Variants in HECTD4 observed in about 807,000 individuals in gnomAD.
The protein encoded by HECTD4 is probable E3 ubiquitin-protein ligase HECTD4.
Under a neutral mutation model 471.5 loss-of-function variants are expected in HECTD4, and 114 were observed. The ratio of observed to expected loss-of-function variants is 0.24; its 90% CI spans 0.21 to 0.28. HECTD4 has a LOEUF of 0.28. Ranked by LOEUF, HECTD4 falls within the 10% of genes least tolerant of loss-of-function variation. The probability of loss-of-function intolerance (pLI) is 1.00; values close to 1 mark genes in which losing one functional copy is unlikely to be tolerated. For missense variants in HECTD4, 3,866 were observed against 5,651.5 expected, an observed-to-expected ratio of 0.68 and a Z score of 10.13; for synonymous variants, 2,012 against 2,256.0, an observed-to-expected ratio of 0.89 and a Z score of 3.07.
intron 9 of HECTD4, among the ~76,000 whole-genome samples, chr12:112,275,602 T>C (rs1033413644): frequency 7.2e-5 from 11 of 151,750 alleles, no homozygotes; most frequent in African/African-American, 2.4e-4. Flanking sequence ...TTAAAATATG[T>C]CAAGGATCCA....
At chr12:112,310,248 G>T (rs888175446) in intron 4 of HECTD4, among the ~76,000 whole-genome samples, 3 of 152,162 alleles carry the variant, frequency 2.0e-5, no homozygotes, top group African/African-American at 7.2e-5. Context: ...AATGGCAAAT[G>T]AAATTGTGTT....
chr12:112,300,533 T>A lies in HECTD4; in HGVS notation c.1335+5531A>T, dbSNP rs191828758. On this transcript the variant is annotated intron_variant, in intron 7 of 75. Transcript: ENST00000682272. ...TTCATGATGGTGTGGGCATTTTGCA[T>A]TAACTATGTCAGACACCTTTTAATC... Among the ~76,000 whole-genome samples the A allele has an allele frequency of 2.8e-4, 42 of 152,324 alleles. 1 individual carries two copies. The highest frequency in any genetic ancestry group is 2.7e-3 in the Admixed American group (42 of 15,294).
At chr12:112,216,947 C>A (rs765076196) in intron 46 of HECTD4, 26 bp from the exon 47 acceptor site, 2 of 1,609,760 alleles carry the variant, frequency 1.2e-6, no homozygotes, top group South Asian at 1.1e-5. Flanking sequence ...AAGAGAGCAG[C>A]AATCAGAGGG....
Position 112,193,439 on chromosome 12 carries a change from A to G in HECTD4, c.8955+30T>C. Reference sequence around the variant, plus strand: ...ACTCCCAGTTAAAAATGGTAACCACACTGCAGGAACATGAGCTTTAGACTT... The same window carrying G: ...ACTCCCAGTTAAAAATGGTAACCACGCTGCAGGAACATGAGCTTTAGACTT... On this transcript the variant is annotated intron_variant, in intron 57 of 75. Transcript: ENST00000682272. The surrounding 1 kb of genome is among the most constrained non-coding windows in gnomAD (Gnocchi z 5.2). 1 of 1,577,044 alleles carries G rather than the reference A, an allele frequency of 6.3e-7. No individual in the cohort carries two copies. Among genetic ancestry groups the G allele is most frequent in the African/African-American group, 1.3e-5 (1 of 74,412 alleles).
rs2032813164 is a variant in HECTD4, at chr12:112,213,117, A to G, written c.7466-467T>C. The stretch of plus-strand genomic sequence containing the variant: ...AGCCTAAGTTTTTGTATTTAGATAT[A>G]AAGTAACATAACAGAAACAACCCAT... On this transcript the variant is annotated intron_variant, in intron 48 of 75. Coordinates refer to ENST00000682272, the MANE Select transcript of HECTD4 (RefSeq NM_001388303.1). This position sits in a 1 kb window ranked among gnomAD's most constrained non-coding sequence, Gnocchi z 4.0. Among the ~76,000 whole-genome samples, 1 of 152,162 alleles carries G rather than the reference A, an allele frequency of 6.6e-6. No homozygotes were observed. Among genetic ancestry groups the G allele is most frequent in the Non-Finnish European group, 1.5e-5 (1 of 68,042 alleles).
At position 112,246,937 on chromosome 12, in the gene HECTD4, T is replaced by C; in HGVS notation, c.4477A>G (p.Thr1493Ala). Residue 1493 changes from threonine to alanine, a missense_variant, in exon 29 of 76, where the codon ACG becomes GCG. Around this residue, in one of 16 missense-constraint regions of HECTD4, gnomAD observed 49 missense variants for 43.6 expected, o/e 1.12. Transcript: ENST00000682272. Reference sequence around the variant, plus strand: ...GCAGGGGTCCCAGAGATGCTTCTCGTGAGGCCCGACTGGGCTGCGATGGTG... The same window carrying C: ...GCAGGGGTCCCAGAGATGCTTCTCGCGAGGCCCGACTGGGCTGCGATGGTG... ...HVTIAAQSGLTRSISGTPAET... is the reference protein window; with the variant it reads ...HVTIAAQSGLARSISGTPAET... 6.2e-7 allele frequency: 1 copy of C among 1,612,282 alleles called. No homozygotes were observed. Among genetic ancestry groups the C allele is most frequent in the South Asian group, 1.1e-5 (1 of 90,964 alleles).
Position 112,381,977 on chromosome 12 carries a change from G to A in HECTD4, c.152C>T (p.Pro51Leu). The part of the protein sequence containing the change: ...AELPSEILGA[P>L]EAADTDLEIL... ...CTCCAGGTCGGTGTCCGCGGCCTCT[G>A]GGGCCCCGAGGATCTCGCTGGGCAG... The change falls in exon 1 of 76, where the codon CCA (proline) becomes CTA (leucine). Residue 51 changes from proline (P) to leucine (L), a missense_variant. Pro to Leu is a moderately conservative substitution (Grantham distance 98). Transcript: ENST00000682272. This position sits in a 1 kb window ranked among gnomAD's most constrained non-coding sequence, Gnocchi z 4.1. 1 of 1,224,532 alleles carries A rather than the reference G, an allele frequency of 8.2e-7. No homozygotes were observed. Among genetic ancestry groups the A allele is most frequent in the Non-Finnish European group, 1.0e-6 (1 of 983,248 alleles). The allele number at this position is 1,224,532 out of a possible 1,614,324, so 75.9% of individuals were successfully genotyped here.
Position 112,330,134 on chromosome 12 carries a change from G to A in HECTD4, c.178-10392C>T, listed in dbSNP as rs991684254. ...TCTATTAAAAATACAAAAATTAGCC[G>A]GGCGTGGTGATGGGCGCCTGTAATC... On this transcript the variant is annotated intron_variant, in intron 1 of 75. Coordinates refer to ENST00000682272, the MANE Select transcript of HECTD4 (RefSeq NM_001388303.1). Among the ~76,000 whole-genome samples the A allele has an allele frequency of 6.6e-5, 10 of 151,982 alleles. No individual in the cohort carries two copies. The South Asian group carries it at 1.0e-3, about 16-fold the overall frequency.
At chr12:112,178,777 G>C (rs561335091) in intron 64 of HECTD4, among the ~76,000 whole-genome samples, 154 bp downstream of exon 64, 2 of 152,208 alleles carry the variant, frequency 1.3e-5, no homozygotes, top group Non-Finnish European at 2.9e-5. Flanking sequence ...AGCTGTGATC[G>C]GGCCGCTGCA....
intron 59 of HECTD4, 147 bp downstream of exon 59, chr12:112,192,413 A>G: frequency 1.8e-6 from 1 of 563,600 alleles, no homozygotes; most frequent in South Asian, 3.6e-5. Context: ...AAGAAGCAGC[A>G]GTTTCTTCCA....
At chr12:112,199,677 TTCA>T (rs1369578709) in intron 55 of HECTD4, among the ~76,000 whole-genome samples, 3 of 152,224 alleles carry the variant, frequency 2.0e-5, no homozygotes, top group Non-Finnish European at 4.4e-5. Flanking sequence ...ATCTTTAGGT[TTCA>T]GCCCACTGAG....
chr12:112,251,505 ATGT>A (rs1476598523), intron 23 of HECTD4, among the ~76,000 whole-genome samples: 4 of 152,176 alleles, frequency 2.6e-5, no homozygotes, highest in African/African-American at 9.7e-5. Context: ...TCAAACTGTG[ATGT>A]TGTCAATGAC....
Position 112,162,664 on chromosome 12 carries a change from G to C in HECTD4, c.13121-141C>G. 1.0e-6 allele frequency: 1 copy of C among 966,510 alleles called. No individual in the cohort carries two copies. Among genetic ancestry groups the C allele is most frequent in the Non-Finnish European group, 1.5e-6 (1 of 649,688 alleles). 59.9% of individuals were successfully genotyped at this position (966,510 alleles called of 1,614,324 possible). On this transcript the variant is annotated intron_variant, in intron 75 of 75. Coordinates refer to ENST00000682272, the MANE Select transcript of HECTD4 (RefSeq NM_001388303.1). The surrounding 1 kb of genome is among the most constrained non-coding windows in gnomAD (Gnocchi z 5.2). ...TGGGGCCCAGCAGGAGGGGGATGAG[G>C]GCCTGGGAACCTGCGAGATGTTCTT...
At chr12:112,365,835 G>A (rs1490754065) in intron 1 of HECTD4, among the ~76,000 whole-genome samples, 1 of 145,518 alleles carries the variant, frequency 6.9e-6, no homozygotes, top group East Asian at 2.0e-4. Context: ...GCAGTGGAGC[G>A]ATCTCGGCTG....
intron 34 of HECTD4, 37 bp from the exon 35 acceptor site, chr12:112,237,135 A>G (rs1173116975): frequency 6.6e-7 from 1 of 1,518,462 alleles, no homozygotes; most frequent in Non-Finnish European, 8.8e-7. Context: ...AGATTGGTGA[A>G]AACTTAAGGG....
Position 112,193,151 on chromosome 12 carries a change from G to A in HECTD4, c.8996C>T (p.Ser2999Phe), listed in dbSNP as rs2032138824. The change falls in exon 58 of 76, where the codon TCC (serine) becomes TTC (phenylalanine). Residue 2999 changes from serine to phenylalanine, a missense_variant. Around this residue, in one of 16 missense-constraint regions of HECTD4, gnomAD observed 364 missense variants for 413.2 expected, o/e 0.88. Coordinates refer to ENST00000682272, the MANE Select transcript of HECTD4 (RefSeq NM_001388303.1). This position sits in a 1 kb window ranked among gnomAD's most constrained non-coding sequence, Gnocchi z 5.2. ...CACGTCCATGTTGACTTTGGATTCG[G>A]AAATTGGGAACTCTTCGGAGGGGAA... ...EQFPSEEFPISESKVNMDVNF... is the reference protein window; with the variant it reads ...EQFPSEEFPIFESKVNMDVNF... The A allele has an allele frequency of 8.7e-6, 14 of 1,613,862 alleles. No homozygotes were observed. Among genetic ancestry groups the A allele is most frequent in the Non-Finnish European group, 1.2e-5 (14 of 1,179,880 alleles).
chr12:112,349,439 A>G (rs2036214478), intron 1 of HECTD4, among the ~76,000 whole-genome samples: 1 of 151,818 alleles, frequency 6.6e-6, no homozygotes, highest in Admixed American at 6.6e-5. Context: ...AACATTATGC[A>G]TAAAGAAACC....
chr12:112,371,662 G>A (rs1204067580), intron 1 of HECTD4, among the ~76,000 whole-genome samples: 1 of 151,932 alleles, frequency 6.6e-6, no homozygotes, highest in Non-Finnish European at 1.5e-5. Flanking sequence ...CAAGGCAAGC[G>A]AGTCATCTGA....
At chr12:112,339,950 G>A (rs2135725045) in intron 1 of HECTD4, among the ~76,000 whole-genome samples, 1 of 152,084 alleles carries the variant, frequency 6.6e-6, no homozygotes, top group Admixed American at 6.5e-5. Context: ...TTGGGAAGCT[G>A]AGGCAGGAGA....
Sources: gnomAD v4.1 joint callset for allele counts (sites outside exome capture counted in the v4.1 genomes callset) on GRCh38, gnomAD v4.1.1 for gene constraint, gnomAD v4.1.1 regional missense constraint, Gnocchi (gnomAD v3.1) non-coding constraint, MANE v1.5 for transcripts, NCBI Gene and HGNC (gene_info 2026-07-23, HGNC 2026-07-21) for gene names.